The following PPFIBP1 variants were observed in gnomAD, a reference collection of about 807,000 sequenced individuals.
PPFIBP1 encodes the protein liprin-beta-1.
PPFIBP1 carries 112 observed loss-of-function variants against 137.8 expected under a neutral mutation model. That is an observed-to-expected ratio of 0.81 (90% CI 0.70 to 0.95). The LOEUF (loss-of-function observed/expected upper bound fraction) is 0.95. PPFIBP1 is among the 40% of genes least tolerant of loss of function. The pLI, the probability that PPFIBP1 is intolerant of heterozygous loss-of-function variation, is 0.00. For missense variants in PPFIBP1, 1,083 were observed against 1,196.6 expected (o/e 0.91, Z 1.40); for synonymous variants, 378 against 417.3 (o/e 0.91, Z 1.15).
At chr12:27,652,366 A>G (rs2058927078) in intron 7 of PPFIBP1, among the ~76,000 whole-genome samples, 2 of 152,196 alleles carry the variant, frequency 1.3e-5, no homozygotes. Context: ...TTGTGGTAAG[A>G]GCATACATGT....
chr12:27,536,272 G>A (rs1003904021), intron 1 of PPFIBP1, among the ~76,000 whole-genome samples: 3 of 152,180 alleles, frequency 2.0e-5, no homozygotes, highest in African/African-American at 4.8e-5. Flanking sequence ...TACATATTAC[G>A]TCGTATGTTA....
At chr12:27,545,583 C>T (rs1427441395) in intron 1 of PPFIBP1, among the ~76,000 whole-genome samples, 1 of 152,150 alleles carries the variant, frequency 6.6e-6, no homozygotes, top group Non-Finnish European at 1.5e-5. Context: ...TGCTCATTAG[C>T]ACTCCCACGA....
rs551747428 is a variant in PPFIBP1, at chr12:27,646,953, T to C, written c.358-776T>C. ...CCCCCCCTGACTTTGAACACATCTA[T>C]GATCTGTGTCATCTTCAAAGAGCTC... On this transcript the variant is annotated intron_variant, in intron 5 of 29. Coordinates refer to ENST00000228425, the MANE Select transcript of PPFIBP1 (RefSeq NM_003622.4). Among the ~76,000 whole-genome samples the C allele has an allele frequency of 1.1e-4, 17 of 152,332 alleles. No individual in the cohort carries two copies. In the South Asian group the frequency reaches 3.5e-3, roughly 32 times the overall value.
intron 7 of PPFIBP1, among the ~76,000 whole-genome samples, chr12:27,651,841 A>G (rs750247485): frequency 6.6e-6 from 1 of 152,178 alleles, no homozygotes; most frequent in Admixed American, 6.5e-5. Flanking sequence ...GGTAATATTT[A>G]TATCCCTTGA....
At chr12:27,623,618 G>A (rs2056541724) in intron 2 of PPFIBP1, among the ~76,000 whole-genome samples, 2 of 152,088 alleles carry the variant, frequency 1.3e-5, no homozygotes, top group Admixed American at 6.5e-5. Flanking sequence ...TGAGGTGGGA[G>A]GATCACTTGA....
chr12:27,613,277 G>A (rs1241643534), intron 2 of PPFIBP1, among the ~76,000 whole-genome samples: 5 of 152,190 alleles, frequency 3.3e-5, no homozygotes, highest in African/African-American at 7.2e-5. Flanking sequence ...GTGACCTGAT[G>A]GTTCTGGCAT....
intron 26 of PPFIBP1, 98 bp from the exon 27 acceptor site, chr12:27,688,917 G>A: frequency 8.4e-7 from 1 of 1,194,886 alleles, no homozygotes; most frequent in Non-Finnish European, 1.2e-6. Flanking sequence ...GATCATTGGA[G>A]ATAACCTAAG....
chr12:27,553,604 T>C (rs1246548519), intron 1 of PPFIBP1, among the ~76,000 whole-genome samples: 4 of 152,228 alleles, frequency 2.6e-5, no homozygotes, highest in Admixed American at 2.6e-4. Context: ...AATTCTTGTC[T>C]ACAAAGTTTA....
intron 1 of PPFIBP1, among the ~76,000 whole-genome samples, chr12:27,557,206 C>T: frequency 6.7e-6 from 1 of 150,042 alleles, no homozygotes; most frequent in Admixed American, 6.7e-5. Context: ...TTGTATCAAG[C>T]TAAAGTTTTT....
intron 8 of PPFIBP1, 60 bp downstream of exon 8, chr12:27,654,874 C>A: frequency 6.6e-7 from 1 of 1,525,916 alleles, no homozygotes; most frequent in South Asian, 1.3e-5. Context: ...CATCTATGCC[C>A]AATAATATAA....
At chr12:27,530,932 A>G (rs775110566) in intron 1 of PPFIBP1, among the ~76,000 whole-genome samples, 14 of 152,224 alleles carry the variant, frequency 9.2e-5, no homozygotes, top group Non-Finnish European at 1.3e-4. Context: ...AGAAGCTGAT[A>G]GCATTCTGCA....
chr12:27,691,639 T>G, intron 27 of PPFIBP1, 110 bp from the exon 28 acceptor site: 1 of 724,430 alleles, frequency 1.4e-6, no homozygotes, highest in South Asian at 2.2e-5. Context: ...AATTAAATTA[T>G]ACATATAGGA....
At chr12:27,647,073 C>T (rs1036229428) in intron 5 of PPFIBP1, among the ~76,000 whole-genome samples, 2 of 152,216 alleles carry the variant, frequency 1.3e-5, no homozygotes, top group African/African-American at 4.8e-5. Flanking sequence ...ACAATCTTGG[C>T]TCACTGCAAC....
At chr12:27,565,066 CTCT>C (rs989520144) in intron 1 of PPFIBP1, among the ~76,000 whole-genome samples, 17 of 152,244 alleles carry the variant, frequency 1.1e-4, no homozygotes, top group Admixed American at 2.6e-4. Flanking sequence ...CCTTCAGTAG[CTCT>C]TAGAATGCTT....
chr12:27,609,500 T>G (rs528752144), intron 2 of PPFIBP1, among the ~76,000 whole-genome samples: 9 of 152,300 alleles, frequency 5.9e-5, no homozygotes, highest in Non-Finnish European at 7.4e-5. Flanking sequence ...ACCTCCACCT[T>G]GTCCAGTCTA....
At chr12:27,626,244 A>G (rs2056811172) in intron 2 of PPFIBP1, among the ~76,000 whole-genome samples, 1 of 152,216 alleles carries the variant, frequency 6.6e-6, no homozygotes, top group African/African-American at 2.4e-5. Context: ...TGCACGCATA[A>G]GTACCTATAG....
At chr12:27,689,256 T>G in intron 27 of PPFIBP1, 53 bp downstream of exon 27, 1 of 1,479,248 alleles carries the variant, frequency 6.8e-7, no homozygotes, top group South Asian at 1.4e-5. Context: ...GGCAACGTTT[T>G]GTCGGTTACC....
intron 1 of PPFIBP1, among the ~76,000 whole-genome samples, chr12:27,562,492 A>G (rs557886896): frequency 1.3e-5 from 2 of 152,294 alleles, no homozygotes; most frequent in East Asian, 3.9e-4. Flanking sequence ...GAGCTACATA[A>G]TTTGTTAACC....
At chr12:27,683,340 T>C (rs138184928) in intron 24 of PPFIBP1, among the ~76,000 whole-genome samples, 5 of 152,290 alleles carry the variant, frequency 3.3e-5, no homozygotes, top group African/African-American at 9.6e-5. Flanking sequence ...GCTGGAATTA[T>C]AGGCATGAGT....
Sources: allele counts gnomAD v4.1 joint callset (sites outside exome capture counted in the v4.1 genomes callset), GRCh38; gene constraint gnomAD v4.1.1; transcripts MANE v1.5; gene names NCBI Gene and HGNC (gene_info 2026-07-23, HGNC 2026-07-21).